The following MYRIP variants were observed in gnomAD, a reference collection of about 807,000 sequenced individuals.
The protein encoded by MYRIP is rab effector MyRIP.
Under a neutral mutation model 98.0 loss-of-function variants are expected in MYRIP, and 49 were observed. The ratio of observed to expected loss-of-function variants is 0.50; its 90% CI spans 0.40 to 0.63. The LOEUF (loss-of-function observed/expected upper bound fraction) is 0.63. MYRIP is among the 30% of genes least tolerant of loss of function. The pLI, the probability that MYRIP is intolerant of heterozygous loss-of-function variation, is 0.00. For missense variants in MYRIP, 1,004 were observed against 1,058.2 expected (o/e 0.95, Z 0.71); for synonymous variants, 404 against 409.5 (o/e 0.99, Z 0.16).
chr3:40,251,858 T>G, intron 15 of MYRIP, 23 bp from the exon 16 acceptor site: 1 of 1,510,668 alleles, frequency 6.6e-7, no homozygotes, highest in Non-Finnish European at 9.2e-7. Flanking sequence ...GGGTAACATT[T>G]TTTCCCATTT....
chr3:40,138,983 C>G (rs976020074), intron 3 of MYRIP, among the ~76,000 whole-genome samples: 2 of 152,154 alleles, frequency 1.3e-5, no homozygotes, highest in Admixed American at 6.5e-5. Context: ...TTCCCCCTAC[C>G]CTTCCCAGCC....
At chr3:40,111,997 C>T (rs145406679) in intron 3 of MYRIP, among the ~76,000 whole-genome samples, 1 of 152,264 alleles carries the variant, frequency 6.6e-6, no homozygotes, top group Non-Finnish European at 1.5e-5. Context: ...ATCTGAACAT[C>T]TGTGATTTTA....
rs1056770267 is a variant in MYRIP, at chr3:40,112,082, G to A, written c.333-38966G>A. ...AGAGGTGAGGGTTTAAGAGATTTAA[G>A]GTCCTCAGATGAGCTGGGGAGTTGG... On this transcript the variant is annotated intron_variant, in intron 3 of 16. Coordinates refer to ENST00000302541, the MANE Select transcript of MYRIP (RefSeq NM_015460.4). Among the ~76,000 whole-genome samples, 102 of 152,258 alleles carry A rather than the reference G, an allele frequency of 6.7e-4. No individual in the cohort carries two copies. The Middle Eastern group carries it at 0.01, about 15-fold the overall frequency.
chr3:39,817,178 G>A (rs1453723512), intron 1 of MYRIP, among the ~76,000 whole-genome samples: 2 of 152,196 alleles, frequency 1.3e-5, no homozygotes, highest in Non-Finnish European at 2.9e-5. Context: ...TTGACAATCT[G>A]CAGAAAACAC....
intron 1 of MYRIP, among the ~76,000 whole-genome samples, chr3:39,833,562 A>T (rs1322343631): frequency 1.0e-5 from 1 of 98,112 alleles, no homozygotes; most frequent in Non-Finnish European, 2.3e-5. Flanking sequence ...ATTGAGAATC[A>T]GTGCTGTGTT....
At position 40,259,813 on chromosome 3, in the gene MYRIP, C is replaced by T. The variant is rs1158116796; in HGVS notation, c.*1647C>T. On this transcript the variant is annotated 3_prime_UTR_variant, in exon 17 of 17. Coordinates refer to ENST00000302541, the MANE Select transcript of MYRIP (RefSeq NM_015460.4). ...TGTGATTCAAAGCAAAACAAACAAACAAAAACAAATTTTAAGAACACAACA... is the reference window on the plus strand; with the variant it reads ...TGTGATTCAAAGCAAAACAAACAAATAAAAACAAATTTTAAGAACACAACA... The T allele has an allele frequency of 6.6e-6, 1 of 152,442 alleles. No homozygotes were observed. Among genetic ancestry groups the T allele is most frequent in the Non-Finnish European group, 1.5e-5 (1 of 67,928 alleles). The allele number at this position is 152,442 out of a possible 1,614,324, so 9.4% of individuals were successfully genotyped here.
At chr3:39,881,761 C>T (rs1420341023) in intron 1 of MYRIP, among the ~76,000 whole-genome samples, 1 of 152,048 alleles carries the variant, frequency 6.6e-6, no homozygotes, top group Non-Finnish European at 1.5e-5. Flanking sequence ...TAGCTCTTAC[C>T]GAACAAATAG....
In MYRIP at chr3:40,075,896, G is replaced by T. The variant is rs1948333140; in HGVS notation, c.332+31625G>T. On this transcript the variant is annotated intron_variant, in intron 3 of 16. Transcript: ENST00000302541. ...ACTGTATTGTCAGGAAAGCTAATCT[G>T]TGATGACAAAGAAACCCCAAAGGCT... 2.0e-5 allele frequency among the ~76,000 whole-genome samples: 3 copies of T among 152,140 alleles called. No homozygotes were observed. The South Asian group carries it at 6.2e-4, about 32-fold the overall frequency.
At chr3:39,892,766 T>G (rs989819156) in intron 1 of MYRIP, among the ~76,000 whole-genome samples, 6 of 152,204 alleles carry the variant, frequency 3.9e-5, no homozygotes, top group African/African-American at 1.4e-4. Flanking sequence ...CATGAATGAC[T>G]GCTCTTAAGC....
chr3:40,050,326 T>C (rs542178044), intron 3 of MYRIP, among the ~76,000 whole-genome samples: 1 of 152,282 alleles, frequency 6.6e-6, no homozygotes, highest in African/African-American at 2.4e-5. Context: ...CCAAATATCC[T>C]AGGTCCCTTA....
chr3:39,999,545 G>A (rs1008770910), intron 2 of MYRIP, among the ~76,000 whole-genome samples: 2 of 152,084 alleles, frequency 1.3e-5, no homozygotes, highest in African/African-American at 2.4e-5. Flanking sequence ...GAGAGGATGT[G>A]GAGAAATAGG....
chr3:39,996,193 A>G (rs539227830), intron 2 of MYRIP, among the ~76,000 whole-genome samples: 5 of 152,334 alleles, frequency 3.3e-5, no homozygotes, highest in African/African-American at 1.2e-4. Flanking sequence ...TGTTAACCTT[A>G]AATGTAAATG....
chr3:40,175,531 T>C (rs1024655383), intron 8 of MYRIP, among the ~76,000 whole-genome samples: 7 of 152,310 alleles, frequency 4.6e-5, no homozygotes, highest in Middle Eastern at 3.4e-3. Context: ...CAGACTCCCA[T>C]TGGGTGTGGT....
At chr3:40,060,661 A>G (rs4676462) in intron 3 of MYRIP, among the ~76,000 whole-genome samples, 43,140 of 149,980 alleles carry the variant, frequency 0.29, 6,260 homozygotes, top group East Asian at 0.35. Context: ...GCGCTATCTC[A>G]GCTCACTGCA....
intron 10 of MYRIP, among the ~76,000 whole-genome samples, chr3:40,199,756 T>G (rs1342847636): frequency 1.3e-5 from 2 of 152,084 alleles, no homozygotes; most frequent in Admixed American, 1.3e-4. Context: ...TTAAATGAAA[T>G]CTAAAGGGAA....
chr3:40,041,062 C>A, intron 2 of MYRIP, among the ~76,000 whole-genome samples: 1 of 102,452 alleles, frequency 9.8e-6, no homozygotes, highest in African/African-American at 3.6e-5. Flanking sequence ...TGGCTTGCAA[C>A]TCTGAGTAAA....
intron 3 of MYRIP, among the ~76,000 whole-genome samples, chr3:40,136,339 C>T (rs1301042539): frequency 6.6e-6 from 1 of 152,148 alleles, no homozygotes; most frequent in East Asian, 1.9e-4. Flanking sequence ...ACTAACTATC[C>T]TAAATATATA....
chr3:39,950,747 C>T (rs1465770171), intron 2 of MYRIP, among the ~76,000 whole-genome samples: 1 of 152,116 alleles, frequency 6.6e-6, no homozygotes, highest in Admixed American at 6.6e-5. Context: ...AGCTTGATAA[C>T]GGATGCTACA....
At chr3:40,070,023 A>C (rs1948193289) in intron 3 of MYRIP, among the ~76,000 whole-genome samples, 1 of 152,200 alleles carries the variant, frequency 6.6e-6, no homozygotes, top group Non-Finnish European at 1.5e-5. Context: ...TAAATTTTTA[A>C]ATAGGAGAAG....
Sources: allele counts gnomAD v4.1 joint callset (sites outside exome capture counted in the v4.1 genomes callset), GRCh38; gene constraint gnomAD v4.1.1; transcripts MANE v1.5; gene names NCBI Gene and HGNC (gene_info 2026-07-23, HGNC 2026-07-21).